TARS1: variants seen among roughly 807,000 people sequenced by gnomAD.
TARS1 encodes the protein threonyl-tRNA synthetase 1.
A neutral mutation model predicts 97.7 loss-of-function variants in TARS1; 57 were observed. The observed-to-expected ratio is 0.58, with a 90% CI of 0.47 to 0.73. TARS1 has a LOEUF of 0.73. Among genes scored for constraint, TARS1 ranks in the 30% least tolerant of loss-of-function variants. The pLI is 0.00. For missense variants in TARS1, 806 were observed against 888.3 expected (o/e 0.91, Z 1.18); for synonymous variants, 312 against 293.7 (o/e 1.06, Z -0.64).
intron 8 of TARS1, 25 bp downstream of exon 8, chr5:33,456,252 G>A (rs1195208553): frequency 6.5e-7 from 1 of 1,534,170 alleles, no homozygotes; most frequent in Non-Finnish European, 9.0e-7. Context: ...TTTAAAGACT[G>A]TGAATGTATC....
upstream of TARS1, chr5:33,440,733 G>A (rs1380325990): frequency 1.4e-5 from 6 of 443,186 alleles, no homozygotes; most frequent in African/African-American, 4.0e-5. Context: ...GAGGAAAGGC[G>A]CACGCGCATT....
chr5:33,453,295 C>A lies in TARS1; in HGVS notation c.336C>A (p.Gly112=), dbSNP rs367864007. The change falls in exon 4 of 19, where the codon GGC becomes GGA. Residue 112 remains glycine (G), a synonymous_variant. Transcript: ENST00000265112. ...PYQIACGISQ[G]LADNTVIAKV... ...TTTTTTTTTTTTTTTTAAGTCAAGG[C>A]CTGGCCGACAACACCGTTATTGCTA... The A allele has an allele frequency of 3.2e-6, 5 of 1,565,782 alleles. No individual in the cohort carries two copies. Among genetic ancestry groups the A allele is most frequent in the Non-Finnish European group, 4.3e-6 (5 of 1,162,246 alleles).
In TARS1 at chr5:33,454,990, A is replaced by G. The variant is rs779169494; in HGVS notation, c.499A>G (p.Arg167Gly). 1.2e-6 allele frequency: 2 copies of G among 1,613,946 alleles called. No homozygotes were observed. The highest frequency in any genetic ancestry group is 1.7e-6 in the Non-Finnish European group (2 of 1,179,898). The change falls in exon 5 of 19, where the codon AGA becomes GGA. Residue 167 changes from arginine to glycine, a missense_variant. By Grantham distance (125) the Arg-to-Gly change is moderately radical. Around this residue, in one of 3 missense-constraint regions of TARS1, gnomAD observed 356 missense variants for 357.8 expected, o/e 0.99. Transcript: ENST00000265112. Reference protein sequence around the residue: ...SAHIMGEAMERVYGGCLCYGP... With the variant: ...SAHIMGEAMEGVYGGCLCYGP... ...TCACATAATGGGTGAAGCCATGGAA[A>G]GAGTCTATGGTGGATGTTTATGCTA...
At chr5:33,443,103 C>T (rs1195995090) in intron 1 of TARS1, among the ~76,000 whole-genome samples, 2 of 152,130 alleles carry the variant, frequency 1.3e-5, no homozygotes, top group African/African-American at 2.4e-5. Context: ...ACCATATATA[C>T]TCAGGGAAAT....
chr5:33,440,862 A>C, upstream of TARS1: 5 of 567,222 alleles, frequency 8.8e-6, no homozygotes, highest in South Asian at 1.1e-4. Flanking sequence ...CTGTCACCCG[A>C]AAAGATTTTC....
chr5:33,449,317 G>A (rs1468704312), intron 3 of TARS1, among the ~76,000 whole-genome samples: 1 of 136,360 alleles, frequency 7.3e-6, no homozygotes, highest in Non-Finnish European at 1.6e-5. Context: ...ATATATATGT[G>A]TATATATATA....
At chr5:33,452,548 TTGA>T (rs1741796547) in intron 3 of TARS1, 1 of 763,918 alleles carries the variant, frequency 1.3e-6, no homozygotes, top group African/African-American at 1.8e-5. Flanking sequence ...ATTTCATCAC[TTGA>T]TGATACTTTA....
chr5:33,464,193 A>C (rs1742426865), intron 17 of TARS1, among the ~76,000 whole-genome samples: 1 of 152,230 alleles, frequency 6.6e-6, no homozygotes, highest in Non-Finnish European at 1.5e-5. Flanking sequence ...CAGTGACTAC[A>C]GGCAGGAGCC....
At chr5:33,443,582 TC>T (rs1741258137) in intron 1 of TARS1, among the ~76,000 whole-genome samples, 1 of 149,486 alleles carries the variant, frequency 6.7e-6, no homozygotes, top group African/African-American at 2.5e-5. Flanking sequence ...AAGCTCCGCC[TC>T]CCGGGTTCCA....
intron 4 of TARS1, 111 bp downstream of exon 4, chr5:33,453,523 T>G (rs1741857937): frequency 1.5e-6 from 2 of 1,341,870 alleles, no homozygotes. Context: ...GTTGTCTCAC[T>G]GTCATATTTG....
chr5:33,464,497 G>A (rs982076438), intron 17 of TARS1, among the ~76,000 whole-genome samples: 1 of 152,176 alleles, frequency 6.6e-6, no homozygotes, highest in Non-Finnish European at 1.5e-5. Context: ...TTCTGCCATA[G>A]TGAAAATTCC....
chr5:33,462,235 T>C (rs1329121745), intron 16 of TARS1, 32 bp downstream of exon 16: 2 of 1,567,912 alleles, frequency 1.3e-6, no homozygotes, highest in East Asian at 2.2e-5. Flanking sequence ...TTTTTCTGAT[T>C]AGTATAAATT....
chr5:33,445,299 T>C (rs377290344), intron 1 of TARS1, 25 bp from the exon 2 acceptor site: 118 of 1,589,752 alleles, frequency 7.4e-5, no homozygotes, highest in Non-Finnish European at 9.7e-5. Context: ...TAGATTAAAA[T>C]ATAAAACGTT....
At position 33,467,691 on chromosome 5, in the gene TARS1, G is replaced by A. The variant is rs770519358; in HGVS notation, c.2155G>A (p.Ala719Thr). 5.0e-6 allele frequency: 8 copies of A among 1,609,966 alleles called. No individual in the cohort carries two copies. Among genetic ancestry groups the A allele is most frequent in the African/African-American group, 2.7e-5 (2 of 74,728 alleles). Reference sequence around the variant, plus strand: ...GCTCAAAGAGTTCCGCAGCAAACAGGCAGAAGAAGAATTTTAATGAAAAAA... The same window carrying A: ...GCTCAAAGAGTTCCGCAGCAAACAGACAGAAGAAGAATTTTAATGAAAAAA... ...QQLKEFRSKQAEEEF is the reference protein window; with the variant it reads ...QQLKEFRSKQTEEEF The change falls in exon 19 of 19, where the codon GCA (alanine) becomes ACA (threonine). Residue 719 changes from alanine to threonine, a missense_variant. Transcript: ENST00000265112.
intron 3 of TARS1, chr5:33,452,434 C>A: frequency 6.5e-7 from 1 of 1,535,102 alleles, no homozygotes; most frequent in Non-Finnish European, 8.7e-7. Flanking sequence ...CTCCTCTTTT[C>A]TTCCTGTGAG....
Position 33,460,993 on chromosome 5 carries a change from G to A in TARS1, c.1342G>A (p.Ala448Thr). 6.2e-7 allele frequency: 1 copy of A among 1,614,142 alleles called. No homozygotes were observed. The highest frequency in any genetic ancestry group is 8.5e-7 in the Non-Finnish European group (1 of 1,180,036). ...GVLHRNELSG[A>T]LTGLTRVRRF... ...ACTTCATAGGAACGAGCTGTCTGGA[G>A]CACTCACAGGACTCACCCGGGTACG... The change falls in exon 12 of 19, where the codon GCA becomes ACA. Residue 448 changes from alanine (A) to threonine (T), a missense_variant. This residue lies in a region of TARS1 where 446 missense variants were observed against 511.0 expected (regional missense o/e 0.87). Transcript: ENST00000265112.
chr5:33,442,320 CTTTTTTTT>C (rs763508345), intron 1 of TARS1, among the ~76,000 whole-genome samples: 11 of 104,600 alleles, frequency 1.1e-4, no homozygotes, highest in East Asian at 3.1e-4. Flanking sequence ...TGTTTTGTAA[CTTTTTTTT>C]TTTTTTTTTT....
At chr5:33,453,169 G>GAGAT in intron 3 of TARS1, 120 bp from the exon 4 acceptor site, 1 of 1,183,084 alleles carries the variant, frequency 8.5e-7, no homozygotes, top group Admixed American at 3.6e-5. Flanking sequence ...CAGAAAAATA[G>GAGAT]AGATACATCA....
intron 3 of TARS1, among the ~76,000 whole-genome samples, chr5:33,452,052 T>C (rs868254596): frequency 1.8e-4 from 27 of 152,214 alleles, no homozygotes; most frequent in African/African-American, 6.5e-4. Flanking sequence ...AAGGAGTTTG[T>C]TGTTTACTTT....
Sources: allele counts gnomAD v4.1 joint callset (sites outside exome capture counted in the v4.1 genomes callset), GRCh38; gene constraint gnomAD v4.1.1; regional missense constraint gnomAD v4.1.1; transcripts MANE v1.5; gene names NCBI Gene and HGNC (gene_info 2026-07-23, HGNC 2026-07-21).